ARHGEF25: variants seen among roughly 807,000 people sequenced by gnomAD.
ARHGEF25 encodes Rho guanine nucleotide exchange factor 25, also known as RAC/CDC42 exchange factor.
ARHGEF25 carries 42 observed loss-of-function variants against 74.0 expected under a neutral mutation model. The ratio of observed to expected loss-of-function variants is 0.57; its 90% CI spans 0.44 to 0.73. ARHGEF25 has a LOEUF of 0.73. Ranked by LOEUF, ARHGEF25 falls within the 30% of genes least tolerant of loss-of-function variation. The pLI, the probability that ARHGEF25 is intolerant of heterozygous loss-of-function variation, is 0.00. For synonymous variants in ARHGEF25, 293 were observed against 278.6 expected (o/e 1.05, Z -0.51); for missense variants, 645 against 725.5 (o/e 0.89, Z 1.27).
At position 57,617,179 on chromosome 12, in the gene ARHGEF25, A is replaced by G; in HGVS notation, c.*285A>G. 1 of 324,998 alleles carries G rather than the reference A, an allele frequency of 3.1e-6. No individual in the cohort carries two copies. The highest frequency in any genetic ancestry group is 5.6e-6 in the Non-Finnish European group (1 of 179,386). The allele number at this position is 324,998 out of a possible 1,614,324, so 20.1% of individuals were successfully genotyped here. A position where few individuals can be genotyped will look rare whatever the true frequency, so the allele number is the denominator to read the frequency against. On this transcript the variant is annotated 3_prime_UTR_variant, in exon 15 of 15. Transcript: ENST00000286494. ...GGGCTGGGGCAGGGGCCAGATAGAA[A>G]TTATTGGTTTTGTTTTTTAATTTTG...
intron 1 of ARHGEF25, 152 bp downstream of exon 1, chr12:57,612,143 G>C: frequency 4.0e-6 from 2 of 503,442 alleles, no homozygotes; most frequent in Non-Finnish European, 6.2e-6. Flanking sequence ...GGTCCCTTCT[G>C]CCTCCAAATT....
chr12:57,612,202 T>A (rs1424700226), intron 1 of ARHGEF25: 2 of 339,190 alleles, frequency 5.9e-6, no homozygotes, highest in Non-Finnish European at 1.0e-5. Context: ...GGAACTCATC[T>A]CTTTCCCTTT....
chr12:57,610,534 G>C (rs748835283), upstream of ARHGEF25: 10 of 1,557,578 alleles, frequency 6.4e-6, no homozygotes, highest in South Asian at 7.0e-5. Flanking sequence ...GGCTGCCTAG[G>C]AGGGCAGGTT....
chr12:57,613,602 G>C, intron 4 of ARHGEF25, 86 bp downstream of exon 4: 1 of 1,611,236 alleles, frequency 6.2e-7, no homozygotes, highest in Non-Finnish European at 8.5e-7. Context: ...TCCAAGGTTG[G>C]CTATGATGAT....
upstream of ARHGEF25, chr12:57,610,152 C>T (rs1883973604): frequency 3.4e-6 from 3 of 877,416 alleles, no homozygotes; most frequent in Admixed American, 2.6e-5. Flanking sequence ...CGCGCGCAGG[C>T]CTCAAAGCCC....
Position 57,616,002 on chromosome 12 carries a change from C to G in ARHGEF25, c.1405C>G (p.Arg469Gly). ...KHVAQILESQ[R>G]DFLNALQSPI... Reference sequence around the variant, plus strand: ...TGTGGCTCAGATCTTGGAGAGCCAACGGGACTTCCTCAACGGTGAAGCTCT... The same window carrying G: ...TGTGGCTCAGATCTTGGAGAGCCAAGGGGACTTCCTCAACGGTGAAGCTCT... Residue 469 changes from arginine (R) to glycine (G), a missense_variant, in exon 13 of 15, where the codon CGG becomes GGG. By Grantham distance (125) the Arg-to-Gly change is moderately radical (BLOSUM62 -2). Transcript: ENST00000286494. 6.2e-7 allele frequency: 1 copy of G among 1,612,246 alleles called. No homozygotes were observed. The highest frequency in any genetic ancestry group is 8.5e-7 in the Non-Finnish European group (1 of 1,178,914).
Position 57,614,243 on chromosome 12 carries a change from A to G in ARHGEF25, c.657-88A>G, listed in dbSNP as rs762759558. 7.6e-6 allele frequency: 12 copies of G among 1,580,630 alleles called. No individual in the cohort carries two copies. The highest frequency in any genetic ancestry group is 9.6e-6 in the Non-Finnish European group (11 of 1,150,126). On this transcript the variant is annotated intron_variant, in intron 6 of 14. Transcript: ENST00000286494. The surrounding 1 kb of genome is among the most constrained non-coding windows in gnomAD (Gnocchi z 4.6). ...GAGAAGTTTTGTAGGGCACACTACC[A>G]GGGCAGACAGCTCGAAACTGCTGGG...
Position 57,613,104 on chromosome 12 carries a change from T to C in ARHGEF25, c.272T>C (p.Val91Ala), listed in dbSNP as rs1884125901. ...GATCATTCCAAACATTGTCTCAGTG[T>C]GGAAACTGAGGCAGACAGTGGTCAG... ...WLDHSKHCLS[V>A]ETEADSGQAG... The change falls in exon 2 of 15, where the codon GTG (valine) becomes GCG (alanine). Residue 91 changes from valine (V) to alanine (A), a missense_variant. By Grantham distance (64) the Val-to-Ala change is moderately conservative. Around this residue, in one of 3 missense-constraint regions of ARHGEF25, gnomAD observed 189 missense variants for 199.1 expected, o/e 0.95. Coordinates refer to ENST00000286494, the MANE Select transcript of ARHGEF25 (RefSeq NM_182947.4). 2 of 1,613,634 alleles carry C rather than the reference T, an allele frequency of 1.2e-6. No homozygotes were observed. The highest frequency in any genetic ancestry group is 1.7e-6 in the Non-Finnish European group (2 of 1,179,666).
chr12:57,615,992 G>A lies in ARHGEF25; in HGVS notation c.1395G>A (p.Leu465=), dbSNP rs1565728499. 1.2e-6 allele frequency: 2 copies of A among 1,613,308 alleles called. No homozygotes were observed. The highest frequency in any genetic ancestry group is 2.2e-5 in the East Asian group (1 of 44,864). The change falls in exon 13 of 15, where the codon TTG becomes TTA. Residue 465 remains leucine, a synonymous_variant. Transcript: ENST00000286494. ...GGATCAAGCATGTGGCTCAGATCTTGGAGAGCCAACGGGACTTCCTCAACG... is the reference window on the plus strand; with the variant it reads ...GGATCAAGCATGTGGCTCAGATCTTAGAGAGCCAACGGGACTTCCTCAACG... The part of the protein sequence containing the change: ...QAWIKHVAQI[L]ESQRDFLNAL...
chr12:57,610,289 G>A (rs1307893919), upstream of ARHGEF25: 5 of 1,569,254 alleles, frequency 3.2e-6, no homozygotes, highest in Non-Finnish European at 4.3e-6. Context: ...CATGCTGCGC[G>A]CATGCGCCCT....
rs1396348759 is a variant in ARHGEF25, at chr12:57,614,377, C to G, written c.703C>G (p.Leu235Val). The change falls in exon 7 of 15, where the codon CTG becomes GTG. Residue 235 changes from leucine (L) to valine (V), a missense_variant. Physicochemically the swap from Leu to Val is conservative, Grantham distance 32. Coordinates refer to ENST00000286494, the MANE Select transcript of ARHGEF25 (RefSeq NM_182947.4). This position sits in a 1 kb window ranked among gnomAD's most constrained non-coding sequence, Gnocchi z 4.6. ...LQRCLKDPDW[L>V]AQLFIKHERR... ...ACGGTGTCTGAAAGATCCTGATTGG[C>G]TGGCTCAGCTATTCATCAAACACGT... The G allele has an allele frequency of 6.2e-7, 1 of 1,614,112 alleles. No individual in the cohort carries two copies. The highest frequency in any genetic ancestry group is 1.3e-5 in the African/African-American group (1 of 75,016).
chr12:57,616,649 G>A (rs1007112348), intron 14 of ARHGEF25, 135 bp from the exon 15 acceptor site: 4 of 992,618 alleles, frequency 4.0e-6, no homozygotes, highest in Non-Finnish European at 6.1e-6. Flanking sequence ...TTTAACTCTG[G>A]AGAAGCTGAT....
At position 57,615,881 on chromosome 12, in the gene ARHGEF25, C is replaced by A; in HGVS notation, c.1284C>A (p.Cys428Ter). ...AGGGGAACCTCCAAGGTGACCCTTG[C>A]CGCTTTGCACTGACCTCCAGAGGGC... Reference protein sequence around the residue: ...GLEGNLQGDPCRFALTSRGPE... With the variant: ...GLEGNLQGDP Residue 428 changes from cysteine to a stop codon, truncating the protein, a stop_gained, in exon 13 of 15, where the codon TGC becomes TGA. Coordinates refer to ENST00000286494, the MANE Select transcript of ARHGEF25 (RefSeq NM_182947.4). LOFTEE classifies it high-confidence loss of function. The A allele has an allele frequency of 6.2e-7, 1 of 1,614,056 alleles. No individual in the cohort carries two copies. The highest frequency in any genetic ancestry group is 8.5e-7 in the Non-Finnish European group (1 of 1,179,980).
rs1884271068 is a variant in ARHGEF25 at position 57,616,015 on chromosome 12, A to G, written c.1418A>G (p.Asn473Ser). Reference protein sequence around the residue: ...QILESQRDFLNALQSPIEYQR... With the variant: ...QILESQRDFLSALQSPIEYQR... ...TTGGAGAGCCAACGGGACTTCCTCA[A>G]CGGTGAAGCTCTCATCCTTTCTTCC... The change falls in exon 13 of 15, where the codon AAC becomes AGC. Residue 473 changes from asparagine to serine, a missense_variant and splice_region_variant. This residue lies in a region of ARHGEF25 where 262 missense variants were observed against 256.9 expected (regional missense o/e 1.02). Coordinates refer to ENST00000286494, the MANE Select transcript of ARHGEF25 (RefSeq NM_182947.4). 1.2e-6 allele frequency: 2 copies of G among 1,610,414 alleles called. No individual in the cohort carries two copies. The highest frequency in any genetic ancestry group is 1.1e-5 in the South Asian group (1 of 90,564).
At position 57,611,517 on chromosome 12, in the gene ARHGEF25, G is replaced by C; in HGVS notation, c.-378G>C. 1.0e-6 allele frequency: 1 copy of C among 987,148 alleles called. No individual in the cohort carries two copies. The highest frequency in any genetic ancestry group is 1.2e-6 in the Non-Finnish European group (1 of 831,158). The allele number at this position is 987,148 out of a possible 1,614,324, so 61.1% of individuals were successfully genotyped here. A position where few individuals can be genotyped will look rare whatever the true frequency, so the allele number is the denominator to read the frequency against. On this transcript the variant is annotated 5_prime_UTR_variant, in exon 1 of 15. Coordinates refer to ENST00000286494, the MANE Select transcript of ARHGEF25 (RefSeq NM_182947.4). This position sits in a 1 kb window ranked among gnomAD's most constrained non-coding sequence, Gnocchi z 4.5. The stretch of plus-strand genomic sequence containing the variant: ...TCGCCTCCTCCCCGGCCCGGGCCTA[G>C]AGCCACCCCTAACCAGAGGCCGGAG...
chr12:57,616,618 C>A (rs764693698), intron 14 of ARHGEF25, 123 bp downstream of exon 14: 1 of 1,026,390 alleles, frequency 9.7e-7, no homozygotes, highest in Non-Finnish European at 1.5e-6. Flanking sequence ...ACTTCCCATC[C>A]CTTACGCTTC....
At chr12:57,611,391 C>A (rs1884032453), upstream of ARHGEF25, 1 of 974,800 alleles carries the variant, frequency 1.0e-6, no homozygotes, top group African/African-American at 1.8e-5. This position sits in a 1 kb window ranked among gnomAD's most constrained non-coding sequence, Gnocchi z 4.5. Flanking sequence ...CGGAGCTGGG[C>A]CGCAGAGGCC....
rs186324954 is a variant in ARHGEF25 at position 57,612,106 on chromosome 12, G to A, written c.97+115G>A. Reference sequence around the variant, plus strand: ...GTTGGAGACTGTATGTGTTTTCCAGGAAAGTGGTTTCTTAAGTGATCCCTA... The same window carrying A: ...GTTGGAGACTGTATGTGTTTTCCAGAAAAGTGGTTTCTTAAGTGATCCCTA... On this transcript the variant is annotated intron_variant, in intron 1 of 14. Transcript: ENST00000286494. 3.4e-6 allele frequency: 3 copies of A among 873,800 alleles called. No individual in the cohort carries two copies. The African/African-American group carries it at 5.1e-5, about 15-fold the overall frequency. The allele number at this position is 873,800 out of a possible 1,614,324, so 54.1% of individuals were successfully genotyped here.
Position 57,615,219 on chromosome 12 carries a change from C to T in ARHGEF25, c.961-18C>T. 1 of 1,584,178 alleles carries T rather than the reference C, an allele frequency of 6.3e-7. No individual in the cohort carries two copies. The highest frequency in any genetic ancestry group is 1.7e-4 in the Middle Eastern group (1 of 5,920). ...ACTCTCTTCGCCCAACAATGCGCCT[C>T]CCTCACCTGTGTCCCAGCAAGCTGT... is the stretch of plus-strand genomic sequence containing the variant. On this transcript the variant is annotated intron_variant, in intron 10 of 14. Transcript: ENST00000286494.
Sources: allele counts gnomAD v4.1 joint callset, GRCh38; gene constraint gnomAD v4.1.1; regional missense constraint gnomAD v4.1.1; non-coding constraint Gnocchi (gnomAD v3.1); transcripts MANE v1.5; gene names NCBI Gene and HGNC (gene_info 2026-07-23, HGNC 2026-07-21).